The following ADGRL2 variants were observed in gnomAD, a reference collection of about 807,000 sequenced individuals.
ADGRL2 encodes the protein calcium-independent alpha-latrotoxin receptor 2.
ADGRL2 carries 44 observed loss-of-function variants against 157.4 expected under a neutral mutation model. The ratio of observed to expected loss-of-function variants is 0.28; its 90% CI spans 0.22 to 0.36. The LOEUF (loss-of-function observed/expected upper bound fraction) is 0.36. Among genes scored for constraint, ADGRL2 ranks in the 10% least tolerant of loss-of-function variants. The pLI, the probability that ADGRL2 is intolerant of heterozygous loss-of-function variation, is 1.00. For missense variants in ADGRL2, 1,510 were observed against 1,768.9 expected, an observed-to-expected ratio of 0.85 and a Z score of 2.63; for synonymous variants, 585 against 624.7, an observed-to-expected ratio of 0.94 and a Z score of 0.95.
intron 2 of ADGRL2, among the ~76,000 whole-genome samples, chr1:81,862,022 G>A (rs2093405759): frequency 2.6e-5 from 4 of 152,192 alleles, no homozygotes; most frequent in African/African-American, 9.6e-5. Flanking sequence ...ATCGTAGAAT[G>A]CGGCCGAAGA....
chr1:81,709,742 G>A (rs1181513208), intron 1 of ADGRL2, among the ~76,000 whole-genome samples: 1 of 151,942 alleles, frequency 6.6e-6, no homozygotes, highest in Non-Finnish European at 1.5e-5. Flanking sequence ...AAATTTTGAG[G>A]TGGGTACTAA....
intron 2 of ADGRL2, among the ~76,000 whole-genome samples, chr1:81,507,592 G>A (rs1557743771): frequency 6.6e-6 from 1 of 152,206 alleles, no homozygotes; most frequent in Non-Finnish European, 1.5e-5. Flanking sequence ...AGCAGAGCAA[G>A]GGAGCGGCTG....
chr1:81,424,915 C>G (rs2077184375), intron 1 of ADGRL2, among the ~76,000 whole-genome samples: 1 of 152,212 alleles, frequency 6.6e-6, no homozygotes, highest in Non-Finnish European at 1.5e-5. Context: ...CTAGTAGCTA[C>G]TATTATTTGA....
intron 1 of ADGRL2, among the ~76,000 whole-genome samples, chr1:81,351,186 T>C (rs1270952676): frequency 7.9e-5 from 12 of 152,048 alleles, no homozygotes; most frequent in Non-Finnish European, 1.3e-4. Flanking sequence ...CTGGAACTTA[T>C]ACAAGTTGTC....
At chr1:81,504,325 T>TTCTTCAGCCC (rs2078922020) in intron 2 of ADGRL2, among the ~76,000 whole-genome samples, 1 of 152,046 alleles carries the variant, frequency 6.6e-6, no homozygotes, top group East Asian at 1.9e-4. Context: ...TTCTTCAGCC[T>TTCTTCAGCCC]TCTTCAGCCC....
intron 2 of ADGRL2, among the ~76,000 whole-genome samples, chr1:81,850,386 T>A: frequency 6.6e-6 from 1 of 151,934 alleles, no homozygotes; most frequent in East Asian, 1.9e-4. Context: ...AGTCATTGTC[T>A]TTTCACACTT....
At chr1:81,809,929 AC>A (rs1260240376) in intron 1 of ADGRL2, among the ~76,000 whole-genome samples, 1 of 151,872 alleles carries the variant, frequency 6.6e-6, no homozygotes, top group Non-Finnish European at 1.5e-5. Context: ...TACTATCCAC[AC>A]TTTGCCTCCT....
intron 2 of ADGRL2, among the ~76,000 whole-genome samples, chr1:81,448,137 C>CTTTTTTTTTTTTTTTTTTTT (rs1168945231): frequency 1.2e-3 from 99 of 83,532 alleles, no homozygotes; most frequent in South Asian, 1.5e-3. Context: ...TTCTTTCTTT[C>CTTTTTTTTTTTTTTTTTTTT]TTTTTTTTTT....
intron 3 of ADGRL2, among the ~76,000 whole-genome samples, chr1:81,605,600 TC>T (rs951987185): frequency 3.9e-5 from 6 of 152,166 alleles, no homozygotes; most frequent in Non-Finnish European, 7.4e-5. Flanking sequence ...TAGACCACTG[TC>T]CCAGGCAGGA....
chr1:81,511,053 T>C (rs976409610), intron 2 of ADGRL2, among the ~76,000 whole-genome samples: 1 of 152,148 alleles, frequency 6.6e-6, no homozygotes, highest in African/African-American at 2.4e-5. Flanking sequence ...ATGAAGACAT[T>C]TCTTAGTCTT....
At chr1:81,927,487 T>C (rs933383737) in intron 3 of ADGRL2, among the ~76,000 whole-genome samples, 4 of 152,008 alleles carry the variant, frequency 2.6e-5, no homozygotes, top group Non-Finnish European at 5.9e-5. Flanking sequence ...TTGAATGTAA[T>C]AAAAATTATA....
intron 1 of ADGRL2, among the ~76,000 whole-genome samples, chr1:81,379,089 T>C (rs541030634): frequency 6.6e-6 from 1 of 152,096 alleles, no homozygotes; most frequent in Non-Finnish European, 1.5e-5. Flanking sequence ...ATTCTCTACC[T>C]CCTTCCCCAC....
At chr1:81,855,890 A>G (rs1296644781) in intron 2 of ADGRL2, among the ~76,000 whole-genome samples, 1 of 152,198 alleles carries the variant, frequency 6.6e-6, no homozygotes, top group Admixed American at 6.5e-5. Context: ...AATTGATGAA[A>G]TTTCCGAAGT....
At chr1:81,598,293 G>T (rs1226055369) in intron 3 of ADGRL2, among the ~76,000 whole-genome samples, 1 of 152,162 alleles carries the variant, frequency 6.6e-6, no homozygotes, top group African/African-American at 2.4e-5. Context: ...TAGGCTTTTG[G>T]CTGTTTGGGT....
chr1:81,603,609 C>T (rs767248327), intron 3 of ADGRL2, among the ~76,000 whole-genome samples: 1 of 152,174 alleles, frequency 6.6e-6, no homozygotes, highest in African/African-American at 2.4e-5. Context: ...CCATTCAACT[C>T]CCATCATTCT....
chr1:81,986,512 G>A (rs2149495605), intron 21 of ADGRL2, among the ~76,000 whole-genome samples: 1 of 152,164 alleles, frequency 6.6e-6, no homozygotes, highest in African/African-American at 2.4e-5. Context: ...AATTCTGAAA[G>A]TTTGAGATTC....
At chr1:81,315,528 A>T (rs910207816) in intron 1 of ADGRL2, among the ~76,000 whole-genome samples, 1 of 152,188 alleles carries the variant, frequency 6.6e-6, no homozygotes, top group East Asian at 1.9e-4. Context: ...TAATAGACAG[A>T]TATGGATTAG....
intron 1 of ADGRL2, among the ~76,000 whole-genome samples, chr1:81,733,967 T>A (rs1362928017): frequency 6.6e-6 from 1 of 152,052 alleles, no homozygotes; most frequent in Non-Finnish European, 1.5e-5. Context: ...AAGCTGCACA[T>A]GTATCCCTGA....
chr1:81,956,180 T>A (rs2149139694), intron 11 of ADGRL2, 120 bp downstream of exon 11: 1 of 715,984 alleles, frequency 1.4e-6, no homozygotes, highest in Non-Finnish European at 2.1e-6. Flanking sequence ...TCAAATTATT[T>A]TTGTCTGTTA....
Sources: allele counts gnomAD v4.1 joint callset (sites outside exome capture counted in the v4.1 genomes callset), GRCh38; gene constraint gnomAD v4.1.1; transcripts MANE v1.5; gene names NCBI Gene and HGNC (gene_info 2026-07-23, HGNC 2026-07-21).